The following NRXN1 variants were observed in gnomAD, a reference collection of about 807,000 sequenced individuals.
The protein encoded by NRXN1 is neurexin 1, also known as neurexin-1.
A neutral mutation model predicts 150.9 loss-of-function variants in NRXN1; 39 were observed. The observed-to-expected ratio is 0.26, with a 90% CI of 0.20 to 0.34. The LOEUF is 0.34. Ranked by LOEUF, NRXN1 falls within the 10% of genes least tolerant of loss-of-function variation. The pLI is 1.00. For missense variants in NRXN1, 1,815 were observed against 1,949.9 expected (o/e 0.93, Z 1.30); for synonymous variants, 924 against 757.0 (o/e 1.22, Z -3.62).
intron 22 of NRXN1, among the ~76,000 whole-genome samples, chr2:49,933,126 G>A (rs778339486): frequency 2.6e-5 from 4 of 151,670 alleles, no homozygotes; most frequent in East Asian, 1.9e-4. Flanking sequence ...TTGCTCTGTC[G>A]CCCAGGCTGG....
At chr2:50,971,225 G>C (rs931618373) in intron 2 of NRXN1, among the ~76,000 whole-genome samples, 1 of 152,096 alleles carries the variant, frequency 6.6e-6, no homozygotes, top group Non-Finnish European at 1.5e-5. Flanking sequence ...TGCAGAATTA[G>C]TAACATAAAC....
intron 5 of NRXN1, among the ~76,000 whole-genome samples, chr2:50,741,991 G>A (rs1300693644): frequency 6.6e-6 from 1 of 152,006 alleles, no homozygotes; most frequent in African/African-American, 2.4e-5. Flanking sequence ...ATAAGTTGGT[G>A]TTTACTTGCC....
chr2:50,944,369 C>A (rs981938787), intron 2 of NRXN1, among the ~76,000 whole-genome samples: 1 of 152,026 alleles, frequency 6.6e-6, no homozygotes, highest in Non-Finnish European at 1.5e-5. Context: ...GAAGGTCTTT[C>A]CACATTGTGA....
intron 17 of NRXN1, among the ~76,000 whole-genome samples, chr2:50,270,576 A>C (rs759226420): frequency 4.6e-5 from 7 of 152,146 alleles, no homozygotes; most frequent in Non-Finnish European, 8.8e-5. Context: ...TGAATTCTAA[A>C]ACAGATTTTT....
chr2:50,773,214 C>T (rs939420161), intron 5 of NRXN1, among the ~76,000 whole-genome samples: 1 of 152,154 alleles, frequency 6.6e-6, no homozygotes, highest in Non-Finnish European at 1.5e-5. Flanking sequence ...ATCCACACTC[C>T]TGCTCTGTGC....
intron 20 of NRXN1, among the ~76,000 whole-genome samples, chr2:50,054,048 C>A (rs1175961228): frequency 6.6e-6 from 1 of 151,862 alleles, no homozygotes; most frequent in East Asian, 1.9e-4. Context: ...ACATAATGTC[C>A]ACATATATCT....
chr2:50,933,878 G>T (rs1429145880), intron 2 of NRXN1, among the ~76,000 whole-genome samples: 1 of 152,038 alleles, frequency 6.6e-6, no homozygotes, highest in East Asian at 1.9e-4. Flanking sequence ...CCATAATTCA[G>T]AGAAGTTCAC....
At chr2:50,996,455 G>A (rs1699295182) in intron 2 of NRXN1, among the ~76,000 whole-genome samples, 1 of 152,030 alleles carries the variant, frequency 6.6e-6, no homozygotes, top group African/African-American at 2.4e-5. Context: ...ATGTATGTAT[G>A]TATTTATATT....
intron 17 of NRXN1, among the ~76,000 whole-genome samples, chr2:50,300,097 A>G (rs1000276560): frequency 1.3e-5 from 2 of 152,218 alleles, no homozygotes; most frequent in Non-Finnish European, 2.9e-5. Context: ...GGATAGAGAA[A>G]TAGAAAAAAG....
At chr2:50,762,388 T>C (rs78838030) in intron 5 of NRXN1, among the ~76,000 whole-genome samples, 11,942 of 151,872 alleles carry the variant, frequency 0.079, 605 homozygotes, top group Middle Eastern at 0.16. Context: ...GTTTGTTACT[T>C]GGGTATACTT....
At chr2:50,312,897 C>T in intron 17 of NRXN1, 1 of 437,412 alleles carries the variant, frequency 2.3e-6, no homozygotes, top group Non-Finnish European at 4.6e-6. Flanking sequence ...ACATAAGCAA[C>T]TTGTTAGGGC....
At chr2:50,580,356 T>C (rs1672063799) in intron 8 of NRXN1, among the ~76,000 whole-genome samples, 1 of 152,186 alleles carries the variant, frequency 6.6e-6, no homozygotes, top group African/African-American at 2.4e-5. Context: ...CCCACAGCGA[T>C]CTGGGTTTCA....
chr2:50,875,105 T>C (rs1387652290), intron 5 of NRXN1, among the ~76,000 whole-genome samples: 1 of 151,814 alleles, frequency 6.6e-6, no homozygotes, highest in Non-Finnish European at 1.5e-5. Flanking sequence ...AATTCTCTAG[T>C]AGTATCAGAC....
At chr2:50,662,002 C>T (rs1264897076) in intron 5 of NRXN1, among the ~76,000 whole-genome samples, 3 of 152,060 alleles carry the variant, frequency 2.0e-5, no homozygotes, top group Admixed American at 2.0e-4. Flanking sequence ...TCACTCCCTA[C>T]AGATTCTGTG....
At chr2:50,106,924 C>G (rs1017527605) in intron 18 of NRXN1, among the ~76,000 whole-genome samples, 1 of 151,890 alleles carries the variant, frequency 6.6e-6, no homozygotes, top group African/African-American at 2.4e-5. Context: ...CATTTCAATG[C>G]TTTTTGAACA....
At chr2:50,415,897 T>G (rs2083499643) in intron 17 of NRXN1, among the ~76,000 whole-genome samples, 1 of 150,940 alleles carries the variant, frequency 6.6e-6, no homozygotes, top group African/African-American at 2.4e-5. Context: ...TGTGAATCAC[T>G]TTCAAATTCT....
Position 50,925,929 on chromosome 2 carries a change from A to T in NRXN1, c.790+9T>A. 6.4e-7 allele frequency: 1 copy of T among 1,570,676 alleles called. No individual in the cohort carries two copies. The highest frequency in any genetic ancestry group is 8.7e-7 in the Non-Finnish European group (1 of 1,155,870). The stretch of plus-strand genomic sequence containing the variant: ...TGAGAGTTGGAAAAATAAGGTAGAA[A>T]GCACCCACCTTCCACATTGTTGTCT... On this transcript the variant is annotated intron_variant, in intron 3 of 22. Coordinates refer to ENST00000401669, the MANE Select transcript of NRXN1 (RefSeq NM_001330078.2).
chr2:50,603,790 C>G (rs1050685234), intron 8 of NRXN1, among the ~76,000 whole-genome samples: 2 of 152,142 alleles, frequency 1.3e-5, no homozygotes, highest in African/African-American at 2.4e-5. Context: ...CCCTAGTGCT[C>G]ATAGAAGTTG....
At chr2:50,958,802 T>C (rs981930083) in intron 2 of NRXN1, among the ~76,000 whole-genome samples, 1 of 152,116 alleles carries the variant, frequency 6.6e-6, no homozygotes, top group Admixed American at 6.6e-5. Context: ...TCAGCAATCA[T>C]TCAGCAGCTG....
Sources: gnomAD v4.1 joint callset for allele counts (sites outside exome capture counted in the v4.1 genomes callset) on GRCh38, gnomAD v4.1.1 for gene constraint, MANE v1.5 for transcripts, NCBI Gene and HGNC (gene_info 2026-07-23, HGNC 2026-07-21) for gene names.